Variants in EXTL3 observed in about 807,000 individuals in gnomAD.
The protein encoded by EXTL3 is exostosin like glycosyltransferase 3.
EXTL3 carries 27 observed loss-of-function variants against 69.3 expected under a neutral mutation model. The ratio of observed to expected loss-of-function variants is 0.39; its 90% CI spans 0.29 to 0.54. EXTL3 has a LOEUF of 0.54. EXTL3 is among the 20% of genes least tolerant of loss of function. EXTL3 has a pLI of 0.69. For synonymous variants in EXTL3, 511 were observed against 499.4 expected (o/e 1.02, Z -0.31); for missense variants, 1,003 against 1,231.8 (o/e 0.81, Z 2.78).
rs146089300 is a variant in EXTL3, at chr8:28,716,380, C to T, written c.321C>T (p.Ile107=). 3.6e-5 allele frequency: 58 copies of T among 1,613,810 alleles called. No homozygotes were observed. The highest frequency in any genetic ancestry group is 6.7e-5 in the African/African-American group (5 of 74,940). Residue 107 remains isoleucine (I), a synonymous_variant, in exon 3 of 7, where the codon ATC becomes ATT. Transcript: ENST00000220562. The surrounding 1 kb of genome is among the most constrained non-coding windows in gnomAD (Gnocchi z 7.1). The part of the protein sequence containing the change: ...EAKRQELNSE[I]AKLNLKIEAC... Reference sequence around the variant, plus strand: ...AGCGCCAAGAGCTGAACAGCGAGATCGCCAAGCTGAATCTGAAGATCGAAG... The same window carrying T: ...AGCGCCAAGAGCTGAACAGCGAGATTGCCAAGCTGAATCTGAAGATCGAAG...
chr8:28,617,035 T>C (rs1165964347), intron 2 of EXTL3, among the ~76,000 whole-genome samples: 1 of 152,254 alleles, frequency 6.6e-6, no homozygotes, highest in Non-Finnish European at 1.5e-5. Context: ...CACTTCCTGT[T>C]AAGAGTGTCT....
chr8:28,669,971 G>T (rs538178737), intron 1 of EXTL3, among the ~76,000 whole-genome samples: 10 of 152,226 alleles, frequency 6.6e-5, no homozygotes, highest in Non-Finnish European at 1.3e-4. Flanking sequence ...CACTTTGGGA[G>T]GCTGATACAG....
intron 1 of EXTL3, among the ~76,000 whole-genome samples, chr8:28,707,404 T>C (rs1353303709): frequency 1.3e-5 from 2 of 152,242 alleles, no homozygotes; most frequent in Non-Finnish European, 2.9e-5. Flanking sequence ...GTGAAGTGTG[T>C]TATCTAGAGT....
chr8:28,723,755 C>T (rs1801349407), intron 3 of EXTL3, among the ~76,000 whole-genome samples: 2 of 149,990 alleles, frequency 1.3e-5, no homozygotes, highest in African/African-American at 2.5e-5. Context: ...GATTCTTGTA[C>T]CTCAGCCTCT....
intron 1 of EXTL3, among the ~76,000 whole-genome samples, chr8:28,638,516 G>C (rs183637106): frequency 4.6e-5 from 7 of 152,252 alleles, no homozygotes; most frequent in African/African-American, 1.4e-4. Context: ...TCCAAGTGAT[G>C]GCAAAATGCC....
intron 3 of EXTL3, among the ~76,000 whole-genome samples, chr8:28,729,012 C>G (rs1801472707): frequency 6.6e-6 from 1 of 152,072 alleles, no homozygotes; most frequent in South Asian, 2.1e-4. Flanking sequence ...AATGCATTTT[C>G]AGGCCAGGTG....
intron 1 of EXTL3, among the ~76,000 whole-genome samples, chr8:28,676,984 C>T (rs779146215): frequency 6.6e-6 from 1 of 152,060 alleles, no homozygotes. Context: ...GGAATAGGCT[C>T]GTCTCTTGGC....
intron 2 of EXTL3, chr8:28,607,894 C>CGT: frequency 6.6e-6 from 1 of 152,164 alleles, no homozygotes; most frequent in East Asian, 1.9e-4. Flanking sequence ...GGGCGGATCA[C>CGT]GAGGTCAGGA....
intron 1 of EXTL3, among the ~76,000 whole-genome samples, chr8:28,654,014 G>C (rs543587698): frequency 2.0e-5 from 3 of 152,176 alleles, no homozygotes; most frequent in Admixed American, 6.6e-5. Flanking sequence ...TCCAATCCAT[G>C]AACATGGGAT....
In EXTL3 at chr8:28,737,685, T is replaced by C. The variant is rs1352710592; in HGVS notation, c.2421+22T>C. The C allele has an allele frequency of 2.5e-6, 4 of 1,613,718 alleles. No individual in the cohort carries two copies. The African/African-American group carries it at 5.3e-5, about 22-fold the overall frequency. On this transcript the variant is annotated intron_variant, in intron 5 of 6. Transcript: ENST00000220562. Reference sequence around the variant, plus strand: ...CAAGGTAAGAAAAAGCTGGTAATAATGGCATCGACTTGGTGAGAGTTTCAC... The same window carrying C: ...CAAGGTAAGAAAAAGCTGGTAATAACGGCATCGACTTGGTGAGAGTTTCAC...
chr8:28,647,760 G>T (rs920241501), intron 1 of EXTL3, among the ~76,000 whole-genome samples: 1 of 152,106 alleles, frequency 6.6e-6, no homozygotes, highest in Non-Finnish European at 1.5e-5. Context: ...TTATGTTAAA[G>T]TATTTAATTA....
intron 1 of EXTL3, among the ~76,000 whole-genome samples, chr8:28,647,104 G>C (rs1462960179): frequency 1.3e-5 from 2 of 151,004 alleles, no homozygotes; most frequent in Non-Finnish European, 2.9e-5. Context: ...TATTAATTTA[G>C]TTCTTTTTTT....
At chr8:28,713,395 A>T in intron 1 of EXTL3, 62 bp from the exon 2 acceptor site, 1 of 649,388 alleles carries the variant, frequency 1.5e-6, no homozygotes, top group Non-Finnish European at 2.7e-6. Context: ...TTCAGTATTG[A>T]GTATTTTTCT....
Position 28,623,187 on chromosome 8 carries a change from C to A in EXTL3, c.-53+377C>A, listed in dbSNP as rs1806441311. Among the ~76,000 whole-genome samples the A allele has an allele frequency of 6.6e-6, 1 of 152,150 alleles. No individual in the cohort carries two copies. The highest frequency in any genetic ancestry group is 1.5e-5 in the Non-Finnish European group (1 of 68,016). ...ATCACACTGTGGGCGGGGGTCCCGA[C>A]CCCTGCTGCCTCGGGTACGGGGTAA... On this transcript the variant is annotated intron_variant, in intron 1 of 6. Transcript: ENST00000523149. The surrounding 1 kb of genome is among the most constrained non-coding windows in gnomAD (Gnocchi z 4.2).
upstream of EXTL3, chr8:28,701,014 G>T (rs1800774178): frequency 6.6e-6 from 1 of 152,408 alleles, no homozygotes; most frequent in East Asian, 1.9e-4. Flanking sequence ...CGTCCAAGCC[G>T]CCCGGCCTTG....
intron 1 of EXTL3, among the ~76,000 whole-genome samples, chr8:28,636,049 G>A (rs1456720452): frequency 1.3e-5 from 2 of 151,908 alleles, no homozygotes; most frequent in African/African-American, 4.8e-5. Flanking sequence ...TGCAAATGTT[G>A]GTCCAGCACA....
intron 1 of EXTL3, among the ~76,000 whole-genome samples, chr8:28,657,585 ACATGGTTTGGTAACAAT>A (rs1174578672): frequency 6.6e-6 from 1 of 152,102 alleles, no homozygotes; most frequent in African/African-American, 2.4e-5. Flanking sequence ...TTTCTGGACT[ACATGGTTTGGTAACAAT>A]CATGGTTTGG....
intron 1 of EXTL3, among the ~76,000 whole-genome samples, chr8:28,652,383 G>T (rs1806937417): frequency 6.6e-6 from 1 of 152,018 alleles, no homozygotes; most frequent in African/African-American, 2.4e-5. Context: ...ATAGCCTGGT[G>T]TTGTGGCTCA....
At chr8:28,693,512 T>C (rs1225544086) in intron 1 of EXTL3, among the ~76,000 whole-genome samples, 1 of 152,230 alleles carries the variant, frequency 6.6e-6, no homozygotes, top group East Asian at 1.9e-4. Context: ...TTTATTTTTT[T>C]TTTTATAGCC....
Sources: allele counts gnomAD v4.1 joint callset (sites outside exome capture counted in the v4.1 genomes callset), GRCh38; gene constraint gnomAD v4.1.1; non-coding constraint Gnocchi (gnomAD v3.1); transcripts MANE v1.5; gene names NCBI Gene and HGNC (gene_info 2026-07-23, HGNC 2026-07-21).